Variants in SUSD1 observed in about 807,000 individuals in gnomAD.
SUSD1 encodes the protein sushi domain-containing protein 1.
Under a neutral mutation model 86.9 loss-of-function variants are expected in SUSD1, and 65 were observed. The ratio of observed to expected loss-of-function variants is 0.75; its 90% CI spans 0.61 to 0.92. The LOEUF is 0.92. Among genes scored for constraint, SUSD1 ranks in the 40% least tolerant of loss-of-function variants. The pLI is 0.00. For missense variants in SUSD1, 850 were observed against 929.7 expected (o/e 0.91, Z 1.11); for synonymous variants, 346 against 350.0 (o/e 0.99, Z 0.13).
chr9:112,155,512 T>G (rs1415309984), intron 2 of SUSD1, among the ~76,000 whole-genome samples: 1 of 152,058 alleles, frequency 6.6e-6, no homozygotes, highest in East Asian at 1.9e-4. Context: ...GAATGGGCAA[T>G]GGTGGGTGAC....
At chr9:112,071,043 G>A (rs1398453013) in intron 12 of SUSD1, among the ~76,000 whole-genome samples, 5 of 152,136 alleles carry the variant, frequency 3.3e-5, no homozygotes, top group Admixed American at 3.3e-4. Context: ...GGGGTGCACT[G>A]GCATGATCAT....
Position 112,142,429 on chromosome 9 carries a change from G to T in SUSD1, c.597C>A (p.Gly199=), listed in dbSNP as rs1832617467. The part of the protein sequence containing the change: ...YIIGNYTSSL[G]SQVRYACREG... ...CTCTGCAAGCATAACGAACCTGGCT[G>T]CCCAGACTAGACGTATAATTTCCTA... Residue 199 remains glycine, a synonymous_variant, in exon 5 of 17, where the codon GGC becomes GGA. Coordinates refer to ENST00000374270, the MANE Select transcript of SUSD1 (RefSeq NM_022486.5). 6.2e-7 allele frequency: 1 copy of T among 1,614,024 alleles called. No homozygotes were observed. Among genetic ancestry groups the T allele is most frequent in the Non-Finnish European group, 8.5e-7 (1 of 1,179,994 alleles).
At chr9:112,159,618 C>CA (rs1833480889) in intron 1 of SUSD1, among the ~76,000 whole-genome samples, 2 of 151,956 alleles carry the variant, frequency 1.3e-5, no homozygotes, top group South Asian at 4.2e-4. Context: ...CTGGCATCCC[C>CA]AAAAAAACAT....
Position 112,149,401 on chromosome 9 carries a change from T to C in SUSD1, c.218-2A>G, listed in dbSNP as rs1262492004. 6.2e-7 allele frequency: 1 copy of C among 1,613,840 alleles called. No individual in the cohort carries two copies. The highest frequency in any genetic ancestry group is 1.3e-5 in the African/African-American group (1 of 74,904). ...CTCCAAACTGGCACTCATTTTTATCTGTTGACACACAGACAAGGCACCGGA... is the reference window on the plus strand; with the variant it reads ...CTCCAAACTGGCACTCATTTTTATCCGTTGACACACAGACAAGGCACCGGA... On this transcript the variant is annotated splice_acceptor_variant, in intron 2 of 16. Coordinates refer to ENST00000374270, the MANE Select transcript of SUSD1 (RefSeq NM_022486.5). LOFTEE classifies it high-confidence loss of function.
intron 1 of SUSD1, among the ~76,000 whole-genome samples, chr9:112,159,003 T>TG (rs1277024147): frequency 6.6e-6 from 1 of 151,558 alleles, no homozygotes; most frequent in Non-Finnish European, 1.5e-5. Flanking sequence ...TACTCATTTT[T>TG]TTTTTTCCAA....
At chr9:112,112,250 T>C (rs536648896) in intron 7 of SUSD1, among the ~76,000 whole-genome samples, 1 of 152,276 alleles carries the variant, frequency 6.6e-6, no homozygotes, top group African/African-American at 2.4e-5. Context: ...GAATGACAAA[T>C]ATGTTAAACA....
chr9:112,152,351 C>T (rs114263029), intron 2 of SUSD1, among the ~76,000 whole-genome samples: 1,607 of 151,802 alleles, frequency 0.011, 27 homozygotes, highest in African/African-American at 0.037. Context: ...TACAGCTGTA[C>T]GAAGAATTTT....
chr9:112,062,976 A>G lies in SUSD1; in HGVS notation c.1811T>C (p.Leu604Pro). Residue 604 changes from leucine (L) to proline (P), a missense_variant, in exon 13 of 17, where the codon CTC becomes CCC. Leu to Pro is a moderately conservative substitution (Grantham distance 98). Coordinates refer to ENST00000374270, the MANE Select transcript of SUSD1 (RefSeq NM_022486.5). ...TTTCTCCTTGGCTTTCCTCAGTCTG[A>G]GGCGTGGTAGAGGTCCTCTGTGCAC... is the stretch of plus-strand genomic sequence containing the variant. Reference protein sequence around the residue: ...FTVHRGPLPRLRLRKAKEKNG... With the variant: ...FTVHRGPLPRPRLRKAKEKNG... The G allele has an allele frequency of 6.2e-7, 1 of 1,613,558 alleles. No homozygotes were observed. The highest frequency in any genetic ancestry group is 1.7e-5 in the Admixed American group (1 of 60,004).
intron 12 of SUSD1, among the ~76,000 whole-genome samples, chr9:112,074,950 CAG>C (rs1490183942): frequency 1.3e-5 from 2 of 151,996 alleles, no homozygotes; most frequent in African/African-American, 2.4e-5. Context: ...GCCATGAGCA[CAG>C]AGAGAGGGAA....
Position 112,112,876 on chromosome 9 carries a change from A to T in SUSD1, c.887-8T>A. On this transcript the variant is annotated splice_region_variant and splice_polypyrimidine_tract_variant and intron_variant, in intron 6 of 16. Coordinates refer to ENST00000374270, the MANE Select transcript of SUSD1 (RefSeq NM_022486.5). The stretch of plus-strand genomic sequence containing the variant: ...TAATCTTTGTCAGAATTTCTAAAAG[A>T]GAAAAAGGCAGTCAACTCACAAAAT... 1 of 1,586,354 alleles carries T rather than the reference A, an allele frequency of 6.3e-7. No homozygotes were observed. The highest frequency in any genetic ancestry group is 8.7e-7 in the Non-Finnish European group (1 of 1,155,044).
chr9:112,110,803 A>G (rs1245218650), intron 8 of SUSD1, among the ~76,000 whole-genome samples: 1 of 151,892 alleles, frequency 6.6e-6, no homozygotes, highest in Non-Finnish European at 1.5e-5. Context: ...ATGTAAAATG[A>G]GGTTTATTTC....
chr9:112,064,047 G>A (rs1182141418), intron 12 of SUSD1, among the ~76,000 whole-genome samples: 1 of 57,224 alleles, frequency 1.7e-5, no homozygotes, highest in Admixed American at 1.8e-4. Flanking sequence ...TTCTTTTTTT[G>A]GGGGGGGGGC....
At position 112,058,455 on chromosome 9, in the gene SUSD1, T is replaced by C. The variant is rs1828549795; in HGVS notation, c.2082A>G (p.Ile694Met). Reference sequence around the variant, plus strand: ...TATTCCATTCACTTGTGATTCGTAATATAATGCAGTAATCACTCCCTCTTT... The same window carrying C: ...TATTCCATTCACTTGTGATTCGTAACATAATGCAGTAATCACTCCCTCTTT... ...PLKRGSDYCI[I>M]LRITSEWNKV... The change falls in exon 14 of 17, where the codon ATA (isoleucine) becomes ATG (methionine). Residue 694 changes from isoleucine to methionine, a missense_variant. Ile to Met is a conservative substitution (Grantham distance 10). Coordinates refer to ENST00000374270, the MANE Select transcript of SUSD1 (RefSeq NM_022486.5). The C allele has an allele frequency of 1.2e-6, 2 of 1,614,110 alleles. No individual in the cohort carries two copies. The highest frequency in any genetic ancestry group is 1.3e-5 in the African/African-American group (1 of 75,058).
At chr9:112,085,928 G>A (rs1458779129) in intron 10 of SUSD1, among the ~76,000 whole-genome samples, 3 of 151,980 alleles carry the variant, frequency 2.0e-5, no homozygotes, top group Non-Finnish European at 1.5e-5. Flanking sequence ...GTGAGACCCT[G>A]TCTCAAAAAT....
Position 112,142,217 on chromosome 9 carries a change from G to A in SUSD1, c.706+103C>T, listed in dbSNP as rs569490701. The stretch of plus-strand genomic sequence containing the variant: ...TGAGAAACAAATAGGAATTTTAAAG[G>A]TTTACTTAACTCATTTATTCCCTGA... On this transcript the variant is annotated intron_variant, in intron 5 of 16. Coordinates refer to ENST00000374270, the MANE Select transcript of SUSD1 (RefSeq NM_022486.5). 2.1e-5 allele frequency: 20 copies of A among 973,376 alleles called. No homozygotes were observed. The African/African-American group carries it at 3.0e-4, about 15-fold the overall frequency. The allele number at this position is 973,376 out of a possible 1,614,324, so 60.3% of individuals were successfully genotyped here.
In SUSD1 at chr9:112,111,759, G is replaced by C. The variant is rs1419971970; in HGVS notation, c.1066C>G (p.Pro356Ala). 1.9e-6 allele frequency: 3 copies of C among 1,614,106 alleles called. No individual in the cohort carries two copies. Among genetic ancestry groups the C allele is most frequent in the East Asian group, 2.2e-5 (1 of 44,882 alleles). ...TVNLTTDSRT[P>A]EVCLALYPGT... ...GGGTACAGGGCTAGGCACACTTCTG[G>C]GGTCCTGCTGTCTGTGGTCAAGTTG... Residue 356 changes from proline (P) to alanine (A), a missense_variant, in exon 8 of 17, where the codon CCA becomes GCA. Physicochemically the swap from Pro to Ala is conservative, Grantham distance 27. Transcript: ENST00000374270.
At chr9:112,114,381 G>C (rs923782761) in intron 6 of SUSD1, among the ~76,000 whole-genome samples, 2 of 152,094 alleles carry the variant, frequency 1.3e-5, no homozygotes, top group Non-Finnish European at 2.9e-5. Flanking sequence ...TACTTGGGAG[G>C]CTGAGGCAGG....
chr9:112,058,745 T>C, intron 13 of SUSD1, 59 bp from the exon 14 acceptor site: 4 of 1,578,564 alleles, frequency 2.5e-6, no homozygotes, highest in South Asian at 1.2e-5. Context: ...CATTCATTCA[T>C]TCATATTTAT....
intron 12 of SUSD1, among the ~76,000 whole-genome samples, chr9:112,069,540 C>A (rs1262776753): frequency 6.6e-6 from 1 of 152,146 alleles, no homozygotes; most frequent in African/African-American, 2.4e-5. Context: ...TGCCCTCAGG[C>A]CCTTTGCTAT....
Sources: gnomAD v4.1 joint callset for allele counts (sites outside exome capture counted in the v4.1 genomes callset) on GRCh38, gnomAD v4.1.1 for gene constraint, MANE v1.5 for transcripts, NCBI Gene and HGNC (gene_info 2026-07-23, HGNC 2026-07-21) for gene names.